Variants in LEPROT observed in about 807,000 individuals in gnomAD.
LEPROT encodes the protein leptin receptor gene-related protein.
LEPROT carries 3 observed loss-of-function variants against 15.4 expected under a neutral mutation model. The ratio of observed to expected loss-of-function variants is 0.19; its 90% CI spans 0.09 to 0.50. The LOEUF (loss-of-function observed/expected upper bound fraction) is 0.50, where lower values mean the gene tolerates loss of function less well. Among genes scored for constraint, LEPROT ranks in the 20% least tolerant of loss-of-function variants. The pLI, the probability that LEPROT is intolerant of heterozygous loss-of-function variation, is 0.97. For synonymous variants in LEPROT, 59 were observed against 57.5 expected, an observed-to-expected ratio of 1.03 and a Z score of -0.12; for missense variants, 137 against 162.2, an observed-to-expected ratio of 0.84 and a Z score of 0.84.
chr1:65,422,672 G>A (rs1444151209), intron 1 of LEPROT, among the ~76,000 whole-genome samples: 1 of 152,236 alleles, frequency 6.6e-6, no homozygotes, highest in East Asian at 1.9e-4. Context: ...TCCCAAGTGG[G>A]GAGGACAGCA....
At chr1:65,426,734 C>T (rs1646380616) in intron 2 of LEPROT, among the ~76,000 whole-genome samples, 1 of 152,178 alleles carries the variant, frequency 6.6e-6, no homozygotes, top group South Asian at 2.1e-4. Flanking sequence ...CACCATGGCT[C>T]ACGCCTGTAA....
intron 1 of LEPROT, chr1:65,421,444 G>A (rs1330623797): frequency 6.5e-7 from 1 of 1,536,102 alleles, no homozygotes; most frequent in South Asian, 1.2e-5. Context: ...TTTTTTGCAA[G>A]GCTTCCTGTA....
At chr1:65,423,336 T>A (rs1193227888) in intron 1 of LEPROT, among the ~76,000 whole-genome samples, 1 of 152,056 alleles carries the variant, frequency 6.6e-6, no homozygotes, top group African/African-American at 2.4e-5. Context: ...CAACTCCAAC[T>A]TTAAGAGATT....
chr1:65,434,726 G>C lies in LEPROT; in HGVS notation c.*2807G>C, dbSNP rs1325546716. 1 of 985,236 alleles carries C rather than the reference G, an allele frequency of 1.0e-6. No individual in the cohort carries two copies. The highest frequency in any genetic ancestry group is 1.2e-6 in the Non-Finnish European group (1 of 829,962). The allele number at this position is 985,236 out of a possible 1,614,324, so 61.0% of individuals were successfully genotyped here. ...CATTTTCACCTCCTAATGCCCTTGA[G>C]ATCCAGGTACACTCCTGGGAGTTTT... On this transcript the variant is annotated 3_prime_UTR_variant, in exon 4 of 4. Coordinates refer to ENST00000371065, the MANE Select transcript of LEPROT (RefSeq NM_017526.5).
chr1:65,431,913 G>A lies in LEPROT; in HGVS notation c.390G>A (p.Gln130=). The change falls in exon 4 of 4, where the codon CAG becomes CAA. Residue 130 remains glutamine (Q), a synonymous_variant. Transcript: ENST00000371065. ...FGRGDDFSWE[Q]W is the part of the protein sequence containing the mutation. The stretch of plus-strand genomic sequence containing the variant: ...GAGGAGATGATTTTAGCTGGGAGCA[G>A]TGGTAGCACTTTATTCTGATTACAG... The A allele has an allele frequency of 6.2e-7, 1 of 1,613,892 alleles. No individual in the cohort carries two copies.
chr1:65,422,292 AATTGG>A (rs1251113943), intron 1 of LEPROT, among the ~76,000 whole-genome samples: 1 of 152,190 alleles, frequency 6.6e-6, no homozygotes, highest in African/African-American at 2.4e-5. Context: ...CGGAGACAGA[AATTGG>A]AGTGATGCAG....
rs1196457982 is a variant in LEPROT at position 65,429,927 on chromosome 1, A to G, written c.158A>G (p.Lys53Arg). Residue 53 changes from lysine (K) to arginine (R), a missense_variant, in exon 3 of 4, where the codon AAA becomes AGA. Physicochemically the swap from Lys to Arg is conservative, Grantham distance 26. Transcript: ENST00000371065. The stretch of plus-strand genomic sequence containing the variant: ...TCCCCCATCCCCCATTTCATTGCCA[A>G]AAGAGTCACCTATGACTCAGATGCA... ...AISPIPHFIA[K>R]RVTYDSDATS... 11 of 1,556,502 alleles carry G rather than the reference A, an allele frequency of 7.1e-6. No individual in the cohort carries two copies. The highest frequency in any genetic ancestry group is 3.4e-5 in the Admixed American group (2 of 58,644).
chr1:65,425,910 A>G (rs1219963314), intron 2 of LEPROT, among the ~76,000 whole-genome samples: 1 of 152,126 alleles, frequency 6.6e-6, no homozygotes, highest in Non-Finnish European at 1.5e-5. Context: ...TCATTCAACC[A>G]TTGTTGGTTG....
rs1035345977 is a variant in LEPROT at position 65,433,477 on chromosome 1, A to G, written c.*1558A>G. On this transcript the variant is annotated 3_prime_UTR_variant, in exon 4 of 4. Coordinates refer to ENST00000371065, the MANE Select transcript of LEPROT (RefSeq NM_017526.5). ...AGAACCATTTGATCAGAATACAACCAATAGTCTTTAAGCATTGTTAAAGTA... is the reference window on the plus strand; with the variant it reads ...AGAACCATTTGATCAGAATACAACCGATAGTCTTTAAGCATTGTTAAAGTA... 25 of 985,328 alleles carry G rather than the reference A, an allele frequency of 2.5e-5. No individual in the cohort carries two copies. The highest frequency in any genetic ancestry group is 3.0e-5 in the Non-Finnish European group (25 of 829,912). The allele number at this position is 985,328 out of a possible 1,614,324, so 61.0% of individuals were successfully genotyped here. A position where few individuals can be genotyped will look rare whatever the true frequency, so the allele number is the denominator to read the frequency against.
At chr1:65,424,787 G>A (rs1198653800) in intron 1 of LEPROT, among the ~76,000 whole-genome samples, 4 of 152,154 alleles carry the variant, frequency 2.6e-5, no homozygotes, top group Non-Finnish European at 4.4e-5. Context: ...GAGAGAGTGT[G>A]TGCTCTACTT....
At position 65,435,685 on chromosome 1, in the gene LEPROT, G is replaced by A. The variant is rs1646552602; in HGVS notation, c.*3766G>A. 3.0e-6 allele frequency: 3 copies of A among 985,398 alleles called. No individual in the cohort carries two copies. Among genetic ancestry groups the A allele is most frequent in the South Asian group, 4.7e-5 (1 of 21,290 alleles). 61.0% of individuals were successfully genotyped at this position (985,398 alleles called of 1,614,324 possible). On this transcript the variant is annotated 3_prime_UTR_variant, in exon 4 of 4. Coordinates refer to ENST00000371065, the MANE Select transcript of LEPROT (RefSeq NM_017526.5). ...CCCAGCCAAAATGTGCCTTTGCAAA[G>A]TTTGCGAAATCAGATTTTGTATCCC...
chr1:65,434,493 A>G lies in LEPROT; in HGVS notation c.*2574A>G. On this transcript the variant is annotated 3_prime_UTR_variant, in exon 4 of 4. Transcript: ENST00000371065. ...AGACTTTGAGACACTTTTCCACAGA[A>G]ACAATACTATGAATTGGTGATTGAG... 1 of 985,254 alleles carries G rather than the reference A, an allele frequency of 1.0e-6. No homozygotes were observed. The highest frequency in any genetic ancestry group is 4.7e-5 in the South Asian group (1 of 21,282). The allele number at this position is 985,254 out of a possible 1,614,324, so 61.0% of individuals were successfully genotyped here. A position where few individuals can be genotyped will look rare whatever the true frequency, so the allele number is the denominator to read the frequency against.
chr1:65,421,332 G>T, intron 1 of LEPROT: 1 of 1,534,144 alleles, frequency 6.5e-7, no homozygotes, highest in Non-Finnish European at 8.7e-7. Context: ...GGACAGAGAA[G>T]AAACCAGTGT....
At chr1:65,425,265 A>G (rs1403329605) in intron 1 of LEPROT, 38 bp from the exon 2 acceptor site, 1 of 1,586,018 alleles carries the variant, frequency 6.3e-7, no homozygotes, top group Non-Finnish European at 8.7e-7. Context: ...GACAACCTCT[A>G]CTGTGGGAAC....
At chr1:65,424,091 C>A (rs1646309309) in intron 1 of LEPROT, among the ~76,000 whole-genome samples, 2 of 152,192 alleles carry the variant, frequency 1.3e-5, no homozygotes, top group Admixed American at 1.3e-4. Flanking sequence ...AGATTTGACT[C>A]ATGTTTGTGA....
At chr1:65,422,332 T>C (rs1239697560) in intron 1 of LEPROT, among the ~76,000 whole-genome samples, 3 of 88,216 alleles carry the variant, frequency 3.4e-5, no homozygotes, top group African/African-American at 3.9e-5. Flanking sequence ...GCACCAAAGA[T>C]TGTTGGCAAC....
intron 2 of LEPROT, among the ~76,000 whole-genome samples, 185 bp downstream of exon 2, chr1:65,425,563 T>A (rs1646344930): frequency 6.6e-6 from 1 of 152,200 alleles, no homozygotes; most frequent in South Asian, 2.1e-4. Flanking sequence ...TAAAAATTGA[T>A]GTATTCATTC....
Position 65,432,621 on chromosome 1 carries a change from C to T in LEPROT, c.*702C>T. 2.0e-6 allele frequency: 2 copies of T among 983,600 alleles called. No individual in the cohort carries two copies. Among genetic ancestry groups the T allele is most frequent in the Non-Finnish European group, 2.4e-6 (2 of 829,244 alleles). The allele number at this position is 983,600 out of a possible 1,614,324, so 60.9% of individuals were successfully genotyped here. A position where few individuals can be genotyped will look rare whatever the true frequency, so the allele number is the denominator to read the frequency against. On this transcript the variant is annotated 3_prime_UTR_variant, in exon 4 of 4. Transcript: ENST00000371065. ...CATGCTGAGGACAAGTTCAGATGTT[C>T]AAGCCTATAATATTTAGGCAGTTCC...
chr1:65,433,717 T>C lies in LEPROT; in HGVS notation c.*1798T>C. 1.1e-6 allele frequency: 1 copy of C among 928,988 alleles called. No individual in the cohort carries two copies. The highest frequency in any genetic ancestry group is 1.3e-6 in the Non-Finnish European group (1 of 778,834). 57.5% of individuals were successfully genotyped at this position (928,988 alleles called of 1,614,324 possible). A position where few individuals can be genotyped will look rare whatever the true frequency, so the allele number is the denominator to read the frequency against. On this transcript the variant is annotated 3_prime_UTR_variant, in exon 4 of 4. Coordinates refer to ENST00000371065, the MANE Select transcript of LEPROT (RefSeq NM_017526.5). ...TTTCCAATATTTATATTAGAAAAAT[T>C]ATTTAGATACTTTATAATTTTAACC... is the stretch of plus-strand genomic sequence containing the variant.
Sources: gnomAD v4.1 joint callset for allele counts (sites outside exome capture counted in the v4.1 genomes callset) on GRCh38, gnomAD v4.1.1 for gene constraint, MANE v1.5 for transcripts, NCBI Gene and HGNC (gene_info 2026-07-23, HGNC 2026-07-21) for gene names.